ARHGAP39: variants seen among roughly 807,000 people sequenced by gnomAD.
ARHGAP39 encodes rho GTPase-activating protein 39.
Under a neutral mutation model 106.9 loss-of-function variants are expected in ARHGAP39, and 44 were observed. That is an observed-to-expected ratio of 0.41 (90% CI 0.32 to 0.53). The LOEUF (loss-of-function observed/expected upper bound fraction) is 0.53. ARHGAP39 is among the 20% of genes least tolerant of loss of function. The pLI, the probability that ARHGAP39 is intolerant of heterozygous loss-of-function variation, is 0.21. For missense variants in ARHGAP39, 1,496 were observed against 1,577.3 expected (o/e 0.95, Z 0.87); for synonymous variants, 768 against 693.2 (o/e 1.11, Z -1.69).
chr8:144,537,912 T>C, intron 6 of ARHGAP39, 99 bp from the exon 7 acceptor site: 1 of 1,025,788 alleles, frequency 9.7e-7, no homozygotes, highest in Non-Finnish European at 1.5e-6. Context: ...CCCCTGGGCC[T>C]GTTGGGGGCT....
At position 144,533,151 on chromosome 8, in the gene ARHGAP39, C is replaced by T. The variant is rs759526225; in HGVS notation, c.2863G>A (p.Gly955Ser). 2.5e-6 allele frequency: 4 copies of T among 1,607,854 alleles called. No homozygotes were observed. Among genetic ancestry groups the T allele is most frequent in the East Asian group, 2.2e-5 (1 of 44,842 alleles). Residue 955 changes from glycine to serine, a missense_variant, in exon 9 of 12, where the codon GGT becomes AGT. Physicochemically the swap from Gly to Ser is moderately conservative, Grantham distance 56. This residue lies in a region of ARHGAP39 where 470 missense variants were observed against 605.1 expected (regional missense o/e 0.78). Transcript: ENST00000377307. Reference sequence around the variant, plus strand: ...CTGAAGATGCCCTCTGTCTGGTCACCGTTGAGCGCCAGCACCTCCTCAGAG... The same window carrying T: ...CTGAAGATGCCCTCTGTCTGGTCACTGTTGAGCGCCAGCACCTCCTCAGAG... ...RLSEEVLALNGDQTEGIFRVP... is the reference protein window; with the variant it reads ...RLSEEVLALNSDQTEGIFRVP...
intron 6 of ARHGAP39, among the ~76,000 whole-genome samples, chr8:144,542,768 G>A (rs958195842): frequency 1.3e-4 from 19 of 151,880 alleles, no homozygotes; most frequent in Non-Finnish European, 2.1e-4. Context: ...GTGAAACCCC[G>A]TCTCTACTAA....
At chr8:144,648,900 T>TA (rs1328815781) in intron 1 of ARHGAP39, among the ~76,000 whole-genome samples, 1 of 151,772 alleles carries the variant, frequency 6.6e-6, no homozygotes, top group Non-Finnish European at 1.5e-5. Flanking sequence ...ATCAGAAAGT[T>TA]AGACAGACCT....
intron 7 of ARHGAP39, among the ~76,000 whole-genome samples, chr8:144,535,489 G>A (rs1393296842): frequency 6.6e-6 from 1 of 152,218 alleles, no homozygotes; most frequent in Non-Finnish European, 1.5e-5. Flanking sequence ...AATGGATGGT[G>A]CCCACGCACA....
At chr8:144,583,799 G>C (rs1266274082) in intron 2 of ARHGAP39, among the ~76,000 whole-genome samples, 3 of 151,788 alleles carry the variant, frequency 2.0e-5, no homozygotes, top group African/African-American at 7.3e-5. Context: ...ACTGTCATTG[G>C]AAAAAAAACC....
At position 144,547,791 on chromosome 8, in the gene ARHGAP39, C is replaced by T; in HGVS notation, c.1295G>A (p.Ser432Asn). Residue 432 changes from serine (S) to asparagine (N), a missense_variant, in exon 5 of 12, where the codon AGC becomes AAC. By Grantham distance (46) the Ser-to-Asn change is conservative. Around this residue, in one of 4 missense-constraint regions of ARHGAP39, gnomAD observed 905 missense variants for 816.4 expected, o/e 1.11. Transcript: ENST00000377307. This position sits in a 1 kb window ranked among gnomAD's most constrained non-coding sequence, Gnocchi z 5.2. ...PGGGSYSLQP[S>N]PCLLRDQRLG... ...GCGCTGGTCCCTCAGCAGGCAGGGG[C>T]TGGGCTGCAAGGAGTACGAACCACC... The T allele has an allele frequency of 1.9e-6, 3 of 1,596,278 alleles. No individual in the cohort carries two copies. The highest frequency in any genetic ancestry group is 2.6e-6 in the Non-Finnish European group (3 of 1,175,788).
At chr8:144,687,873 C>G (rs1442788669), upstream of ARHGAP39, among the ~76,000 whole-genome samples, 1 of 148,030 alleles carries the variant, frequency 6.8e-6, no homozygotes, top group Non-Finnish European at 1.5e-5. Flanking sequence ...CACCCCGTGA[C>G]CACACATTTA....
At chr8:144,535,427 G>A (rs1816915633) in intron 7 of ARHGAP39, among the ~76,000 whole-genome samples, 1 of 152,244 alleles carries the variant, frequency 6.6e-6, no homozygotes, top group Non-Finnish European at 1.5e-5. Context: ...GTGGGACCAT[G>A]TGGAACCAAG....
At chr8:144,680,843 C>T (rs1361252717) in intron 1 of ARHGAP39, among the ~76,000 whole-genome samples, 1 of 152,124 alleles carries the variant, frequency 6.6e-6, no homozygotes, top group Non-Finnish European at 1.5e-5. Context: ...GTACGAGTTT[C>T]ATAACAAGAT....
At chr8:144,573,375 A>G (rs1290994720) in intron 3 of ARHGAP39, among the ~76,000 whole-genome samples, 4 of 140,358 alleles carry the variant, frequency 2.8e-5, no homozygotes, top group Middle Eastern at 3.7e-3. Context: ...CAAACACCAC[A>G]TGTTCTCATT....
intron 3 of ARHGAP39, among the ~76,000 whole-genome samples, chr8:144,566,098 A>G (rs1168902039): frequency 6.6e-6 from 1 of 151,986 alleles, no homozygotes; most frequent in Non-Finnish European, 1.5e-5. Flanking sequence ...TGTCTCAACA[A>G]CAAAAAAAGT....
rs1193321986 is a variant in ARHGAP39, at chr8:144,530,503, G to C, written c.3264C>G (p.Phe1088Leu). ...RCQSDDPRVI[F>L]ENTRKEMSFL... ...AGGACATCTCCTTGCGGGTGTTCTC[G>C]AAGATGACGCGCGGGTCGTCGGACT... Residue 1088 changes from phenylalanine to leucine, a missense_variant, in exon 12 of 12, where the codon TTC becomes TTG. By Grantham distance (22) the Phe-to-Leu change is conservative. Transcript: ENST00000377307. The C allele has an allele frequency of 3.1e-6, 5 of 1,611,960 alleles. No homozygotes were observed. Among genetic ancestry groups the C allele is most frequent in the Non-Finnish European group, 4.2e-6 (5 of 1,179,616 alleles).
chr8:144,545,970 C>T (rs1817402549), intron 5 of ARHGAP39, among the ~76,000 whole-genome samples, 160 bp from the exon 6 acceptor site: 1 of 152,180 alleles, frequency 6.6e-6, no homozygotes. Flanking sequence ...AGGTGGGAGG[C>T]CCAGGGGAGC....
At chr8:144,672,377 C>T (rs139223946) in intron 1 of ARHGAP39, among the ~76,000 whole-genome samples, 1 of 152,334 alleles carries the variant, frequency 6.6e-6, no homozygotes, top group East Asian at 1.9e-4. Context: ...GTAAACTCAA[C>T]CCATGAAGGA....
chr8:144,686,914 C>G (rs1451257061), upstream of ARHGAP39, among the ~76,000 whole-genome samples: 12 of 139,230 alleles, frequency 8.6e-5, no homozygotes, highest in South Asian at 4.4e-4. Context: ...ACCCCCGTGA[C>G]CACACACTGG....
intron 1 of ARHGAP39, among the ~76,000 whole-genome samples, chr8:144,655,753 G>A (rs907870675): frequency 1.3e-5 from 2 of 152,074 alleles, no homozygotes; most frequent in African/African-American, 2.4e-5. Context: ...ACAAGAACTT[G>A]GGCAAAGGCG....
intron 2 of ARHGAP39, among the ~76,000 whole-genome samples, chr8:144,583,204 G>C (rs1032520686): frequency 3.9e-5 from 6 of 152,210 alleles, no homozygotes; most frequent in Non-Finnish European, 8.8e-5. Flanking sequence ...ACAAATCTAG[G>C]CAGCACCTTT....
chr8:144,633,587 T>C (rs1821116403), intron 1 of ARHGAP39, among the ~76,000 whole-genome samples: 2 of 152,276 alleles, frequency 1.3e-5, no homozygotes, highest in South Asian at 4.1e-4. Context: ...GCTTTGTAGT[T>C]AACTATGAAT....
Position 144,581,335 on chromosome 8 carries a change from C to T in ARHGAP39, c.81-58G>A, listed in dbSNP as rs1304386558. On this transcript the variant is annotated intron_variant, in intron 2 of 11. Coordinates refer to ENST00000377307, the MANE Select transcript of ARHGAP39 (RefSeq NM_025251.3). ...CACGGCGGCCTGGGCCCGCGCCTCC[C>T]ACCCCTGCAGACCCCGGCTCCAGCC... 3 of 1,480,978 alleles carry T rather than the reference C, an allele frequency of 2.0e-6. No individual in the cohort carries two copies. In the African/African-American group the frequency reaches 4.2e-5, roughly 21 times the overall value. The allele number at this position is 1,480,978 out of a possible 1,614,324, so 91.7% of individuals were successfully genotyped here. A position where few individuals can be genotyped will look rare whatever the true frequency, so the allele number is the denominator to read the frequency against.
Sources: gnomAD v4.1 joint callset for allele counts (sites outside exome capture counted in the v4.1 genomes callset) on GRCh38, gnomAD v4.1.1 for gene constraint, gnomAD v4.1.1 regional missense constraint, Gnocchi (gnomAD v3.1) non-coding constraint, MANE v1.5 for transcripts, NCBI Gene and HGNC (gene_info 2026-07-23, HGNC 2026-07-21) for gene names.